Variants in UTP14A observed in about 807,000 individuals in gnomAD.
UTP14A encodes the protein U3 small nucleolar RNA-associated protein 14 homolog A.
UTP14A carries 5 observed loss-of-function variants against 57.2 expected under a neutral mutation model. The ratio of observed to expected loss-of-function variants is 0.09; its 90% CI spans 0.05 to 0.18. UTP14A has a LOEUF of 0.18. UTP14A is among the 10% of genes least tolerant of loss of function. The pLI is 1.00. For synonymous variants in UTP14A, 169 were observed against 210.9 expected, an observed-to-expected ratio of 0.80 and a Z score of 1.72; for missense variants, 430 against 562.1, an observed-to-expected ratio of 0.76 and a Z score of 2.38.
chrX:129,928,876 G>T (rs945490846), intron 14 of UTP14A, among the ~76,000 whole-genome samples: 2 of 111,689 alleles, frequency 1.8e-5, no homozygotes, highest in African/African-American at 6.5e-5. Context: ...CAGTCACAGT[G>T]TTACATAGGA....
chrX:129,919,832 C>T (rs766234701), intron 8 of UTP14A, among the ~76,000 whole-genome samples: 2 of 111,363 alleles, frequency 1.8e-5, no homozygotes, highest in South Asian at 7.6e-4. Context: ...GTAATCCCAG[C>T]ACTTTGGGAG....
intron 12 of UTP14A, 121 bp from the exon 13 acceptor site, chrX:129,925,798 C>T (rs1381343956): frequency 1.1e-6 from 1 of 873,036 alleles, no homozygotes; most frequent in Non-Finnish European, 1.6e-6. Context: ...TATCGCAAGA[C>T]CATCATTGTT....
intron 6 of UTP14A, among the ~76,000 whole-genome samples, chrX:129,914,143 C>T (rs1000200316): frequency 1.8e-5 from 2 of 111,680 alleles, no homozygotes; most frequent in Non-Finnish European, 3.8e-5. Flanking sequence ...AGAAATTATG[C>T]TAGTAGGGCA....
chrX:129,926,705 C>G (rs779545082), intron 14 of UTP14A, among the ~76,000 whole-genome samples: 1 of 111,760 alleles, frequency 8.9e-6, no homozygotes, highest in Non-Finnish European at 1.9e-5. Flanking sequence ...AGCGTGATTA[C>G]GGTGTTCAAG....
chrX:129,926,134 T>C, intron 13 of UTP14A, 22 bp downstream of exon 13: 1 of 1,209,714 alleles, frequency 8.3e-7, no homozygotes, highest in South Asian at 1.8e-5. Flanking sequence ...GAAGAAAGTC[T>C]GTCAAAAGGG....
In UTP14A at chrX:129,909,666, C is replaced by G. The variant is rs959364069; in HGVS notation, c.238+932C>G. Among the ~76,000 whole-genome samples the G allele has an allele frequency of 2.1e-4, 23 of 111,474 alleles. 1 individual carries two copies. The highest frequency in any genetic ancestry group is 6.8e-4 in the African/African-American group (21 of 30,702). On this transcript the variant is annotated intron_variant, in intron 4 of 14. Coordinates refer to ENST00000394422, the MANE Select transcript of UTP14A (RefSeq NM_006649.4). ...TTTTTCATACTCTCCCAGAAAGAACCAATTTTCACCCTGGGGTGGCGGGGT... is the reference window on the plus strand; with the variant it reads ...TTTTTCATACTCTCCCAGAAAGAACGAATTTTCACCCTGGGGTGGCGGGGT...
chrX:129,923,916 TG>T (rs1219263042), intron 11 of UTP14A, among the ~76,000 whole-genome samples: 1 of 110,736 alleles, frequency 9.0e-6, no homozygotes, highest in African/African-American at 3.3e-5. Flanking sequence ...AGTGGATCAT[TG>T]GCAAAGCTGG....
At chrX:129,924,652 G>GTACA in intron 11 of UTP14A, 143 bp from the exon 12 acceptor site, 1 of 756,146 alleles carries the variant, frequency 1.3e-6, no homozygotes, top group Non-Finnish European at 1.9e-6. Flanking sequence ...GAGATTCAAT[G>GTACA]TACAGAATCT....
intron 11 of UTP14A, among the ~76,000 whole-genome samples, chrX:129,923,532 C>G (rs970284001): frequency 5.4e-5 from 6 of 111,703 alleles, no homozygotes; most frequent in South Asian, 3.7e-4. Flanking sequence ...ATTTCGGCCT[C>G]CCAGAGTGCT....
chrX:129,913,028 A>C (rs1048497699), intron 6 of UTP14A, among the ~76,000 whole-genome samples: 2 of 111,879 alleles, frequency 1.8e-5, no homozygotes, highest in Admixed American at 9.7e-5. Flanking sequence ...TAGTCCGAAT[A>C]ACTGCTTTAG....
chrX:129,925,772 G>A, intron 12 of UTP14A, 147 bp from the exon 13 acceptor site: 1 of 666,221 alleles, frequency 1.5e-6, no homozygotes, highest in Non-Finnish European at 2.3e-6. Flanking sequence ...AGCATGATTG[G>A]CTGTGCACTG....
chrX:129,925,890 A>G, intron 12 of UTP14A, 29 bp from the exon 13 acceptor site: 3 of 1,205,282 alleles, frequency 2.5e-6, no homozygotes, highest in Non-Finnish European at 3.4e-6. Context: ...TCATAAGCCA[A>G]GCTGTAGCTC....
At position 129,926,489 on chromosome X, in the gene UTP14A, T is replaced by G. The variant is rs1188713109; in HGVS notation, c.2043+150T>G. 5.6e-6 allele frequency: 3 copies of G among 531,651 alleles called. No individual in the cohort carries two copies. In the African/African-American group the frequency reaches 7.1e-5, roughly 13 times the overall value. 43.8% of individuals were successfully genotyped at this position (531,651 alleles called of 1,213,427 possible). The stretch of plus-strand genomic sequence containing the variant: ...TGTTTTCACTGAATGGCTGTTAGAT[T>G]TATCATTTCAGATAGACTACGCTGT... On this transcript the variant is annotated intron_variant, in intron 14 of 14. Coordinates refer to ENST00000394422, the MANE Select transcript of UTP14A (RefSeq NM_006649.4).
intron 1 of UTP14A, among the ~76,000 whole-genome samples, chrX:129,906,590 C>A (rs1929266334): frequency 9.0e-6 from 1 of 110,993 alleles, no homozygotes. Flanking sequence ...CTCCCCGAAT[C>A]TTGGAAAGCT....
intron 11 of UTP14A, among the ~76,000 whole-genome samples, chrX:129,924,383 T>A (rs1192850354): frequency 9.4e-6 from 1 of 106,663 alleles, no homozygotes; most frequent in Non-Finnish European, 1.9e-5. Context: ...GCCTCCCTGG[T>A]TCAAGTGATT....
chrX:129,920,412 C>T (rs1240765593), intron 8 of UTP14A, 45 bp from the exon 9 acceptor site: 20 of 1,210,394 alleles, frequency 1.7e-5, no homozygotes, highest in Non-Finnish European at 2.1e-5. Context: ...CTATGACATC[C>T]GTGCTTCAGC....
chrX:129,922,379 G>A (rs1929948410), intron 11 of UTP14A: 1 of 112,199 alleles, frequency 8.9e-6, no homozygotes, highest in African/African-American at 3.2e-5. Context: ...GCATTTAGAT[G>A]ATGGCAAAAA....
intron 2 of UTP14A, 35 bp from the exon 3 acceptor site, chrX:129,908,025 C>T (rs1929319599): frequency 1.8e-6 from 2 of 1,130,754 alleles, no homozygotes; most frequent in African/African-American, 1.8e-5. Flanking sequence ...TTCCCTCCCC[C>T]TCATCCTGAT....
At chrX:129,921,844 T>C (rs755299589) in intron 11 of UTP14A, 3 of 335,987 alleles carry the variant, frequency 8.9e-6, no homozygotes, top group Non-Finnish European at 1.5e-5. Context: ...CTTACAGCCT[T>C]CAGAAACCCA....
Sources: gnomAD v4.1 joint callset for allele counts (sites outside exome capture counted in the v4.1 genomes callset) on GRCh38, gnomAD v4.1.1 for gene constraint, MANE v1.5 for transcripts, NCBI Gene and HGNC (gene_info 2026-07-23, HGNC 2026-07-21) for gene names.